ABCD2: variants seen among roughly 807,000 people sequenced by gnomAD.
ABCD2 encodes ATP-binding cassette sub-family D member 2.
A neutral mutation model predicts 70.9 loss-of-function variants in ABCD2; 36 were observed. The observed-to-expected ratio is 0.51, with a 90% CI of 0.39 to 0.67. The LOEUF is 0.67. ABCD2 is among the 30% of genes least tolerant of loss of function. ABCD2 has a pLI of 0.00. For synonymous variants in ABCD2, 304 were observed against 306.9 expected (o/e 0.99, Z 0.10); for missense variants, 729 against 890.2 (o/e 0.82, Z 2.30).
intron 9 of ABCD2, among the ~76,000 whole-genome samples, chr12:39,566,789 C>T (rs1008086832): frequency 2.0e-5 from 3 of 152,214 alleles, no homozygotes; most frequent in Non-Finnish European, 4.4e-5. Context: ...TTTCCCTCTA[C>T]ACACTGCTTT....
At chr12:39,594,104 G>A (rs1941782945) in intron 6 of ABCD2, among the ~76,000 whole-genome samples, 1 of 152,128 alleles carries the variant, frequency 6.6e-6, no homozygotes, top group South Asian at 2.1e-4. Flanking sequence ...GTACAGATCA[G>A]CACACCAAGA....
At position 39,551,339 on chromosome 12, in the gene ABCD2, T is replaced by C. The variant is rs562480867; in HGVS notation, c.*2573A>G. The C allele has an allele frequency of 3.3e-5, 5 of 151,724 alleles. No homozygotes were observed. Among genetic ancestry groups the C allele is most frequent in the African/African-American group, 1.2e-4 (5 of 41,426 alleles). The allele number at this position is 151,724 out of a possible 1,614,324, so 9.4% of individuals were successfully genotyped here. The stretch of plus-strand genomic sequence containing the variant: ...TGTCAAACGTTTGGGCAAATAGATA[T>C]AACATGGTAAAAGTAGTTTGAAACT... On this transcript the variant is annotated 3_prime_UTR_variant, in exon 10 of 10. Coordinates refer to ENST00000308666, the MANE Select transcript of ABCD2 (RefSeq NM_005164.4).
chr12:39,532,496 CA>C, the ABCD2 span, among the ~76,000 whole-genome samples: 1 of 152,096 alleles, frequency 6.6e-6, no homozygotes, highest in East Asian at 1.9e-4. Context: ...GACAAATTGG[CA>C]CTCATGCATT....
At position 39,586,123 on chromosome 12, in the gene ABCD2, A is replaced by G. The variant is rs781012677; in HGVS notation, c.1792+29T>C. ...GCTTACTTTTTAAAAGTGAAGTTAA[A>G]TGCATTAGAAAAGAATGATAGACTT... is the stretch of plus-strand genomic sequence containing the variant. On this transcript the variant is annotated intron_variant, in intron 7 of 9. Transcript: ENST00000308666. 2.5e-6 allele frequency: 4 copies of G among 1,575,550 alleles called. No individual in the cohort carries two copies. The South Asian group carries it at 3.5e-5, about 14-fold the overall frequency.
At position 39,579,058 on chromosome 12, in the gene ABCD2, C is replaced by G. The variant is rs577474709; in HGVS notation, c.1877+477G>C. 7.9e-5 allele frequency among the ~76,000 whole-genome samples: 12 copies of G among 152,132 alleles called. No homozygotes were observed. The South Asian group carries it at 2.5e-3, about 32-fold the overall frequency. On this transcript the variant is annotated intron_variant, in intron 8 of 9. Transcript: ENST00000308666. Reference sequence around the variant, plus strand: ...ATAGAAAAACAAATACTTGGAGATTCTACTATAAGAAAAAATAATTTGGCC... The same window carrying G: ...ATAGAAAAACAAATACTTGGAGATTGTACTATAAGAAAAAATAATTTGGCC...
At chr12:39,555,872 G>A (rs1941157857) in intron 9 of ABCD2, among the ~76,000 whole-genome samples, 1 of 152,116 alleles carries the variant, frequency 6.6e-6, no homozygotes, top group Non-Finnish European at 1.5e-5. Context: ...CTCAGTGGCT[G>A]GGGGCTCAGA....
the ABCD2 span, among the ~76,000 whole-genome samples, chr12:39,538,517 T>TGTGCAATTTGTCCAATTCTTTGTTC: frequency 3.3e-5 from 5 of 152,214 alleles, no homozygotes; most frequent in African/African-American, 1.2e-4. Flanking sequence ...TTGCTTTGTT[T>TGTGCAATTTGTCCAATTCTTTGTTC]GTGCATTTTG....
chr12:39,618,856 T>G lies in ABCD2; in HGVS notation c.760A>C (p.Ile254Leu). 6.2e-7 allele frequency: 1 copy of G among 1,614,188 alleles called. No individual in the cohort carries two copies. The highest frequency in any genetic ancestry group is 8.5e-7 in the Non-Finnish European group (1 of 1,180,034). Residue 254 changes from isoleucine (I) to leucine (L), a missense_variant, in exon 1 of 10, where the codon ATT becomes CTT. Transcript: ENST00000308666. ...QTATSRGASP[I>L]GPTLLAGLVV... ...AGTCCTGCTAGTAGGGTGGGCCCAA[T>G]TGGGCTTGCTCCTCTGGATGTAGCA... is the stretch of plus-strand genomic sequence containing the variant.
intron 9 of ABCD2, among the ~76,000 whole-genome samples, chr12:39,570,514 A>T (rs1941432812): frequency 6.6e-6 from 1 of 152,306 alleles, no homozygotes; most frequent in Admixed American, 6.5e-5. Flanking sequence ...AAATTGTGGG[A>T]AACTGTATAT....
At chr12:39,562,918 A>G (rs1718188417) in intron 9 of ABCD2, among the ~76,000 whole-genome samples, 1 of 152,188 alleles carries the variant, frequency 6.6e-6, no homozygotes, top group South Asian at 2.1e-4. Context: ...TCATCAACAA[A>G]ATACCAGCAA....
chr12:39,592,211 G>T (rs977675435), intron 6 of ABCD2, among the ~76,000 whole-genome samples: 1 of 152,174 alleles, frequency 6.6e-6, no homozygotes, highest in Non-Finnish European at 1.5e-5. Context: ...AAGTCAATTT[G>T]CTACAGCAAT....
rs200462514 is a variant in ABCD2 at position 39,586,200 on chromosome 12, G to C, written c.1744C>G (p.Arg582Gly). The C allele has an allele frequency of 1.2e-6, 2 of 1,613,402 alleles. No individual in the cohort carries two copies. Among genetic ancestry groups the C allele is most frequent in the Middle Eastern group, 1.7e-4 (1 of 6,054 alleles). Residue 582 changes from arginine to glycine, a missense_variant, in exon 7 of 10, where the codon CGT (arginine) becomes GGT (glycine). By Grantham distance (125) the Arg-to-Gly change is moderately radical. Transcript: ENST00000308666. ...TAGAGATGGACATTGTGTAGGATACGTTCCAGATCTTGGTCTGTATAACCT... is the reference window on the plus strand; with the variant it reads ...TAGAGATGGACATTGTGTAGGATACCTTCCAGATCTTGGTCTGTATAACCT... ...DKGYTDQDLE[R>G]ILHNVHLYHI...
intron 9 of ABCD2, among the ~76,000 whole-genome samples, chr12:39,554,791 T>C (rs993964659): frequency 6.6e-6 from 1 of 152,338 alleles, no homozygotes; most frequent in East Asian, 1.9e-4. Context: ...TAAAGGAGGC[T>C]GAGGTCACCA....
chr12:39,583,154 G>C (rs372101772), intron 7 of ABCD2, among the ~76,000 whole-genome samples: 1 of 152,140 alleles, frequency 6.6e-6, no homozygotes, highest in Non-Finnish European at 1.5e-5. Flanking sequence ...GCTGCCGGAC[G>C]GGGCCAGCTA....
intron 9 of ABCD2, among the ~76,000 whole-genome samples, chr12:39,555,314 C>T (rs1469334232): frequency 6.6e-6 from 1 of 152,092 alleles, no homozygotes; most frequent in East Asian, 1.9e-4. Context: ...TGACTGACTT[C>T]TTTTACTTAT....
intron 9 of ABCD2, among the ~76,000 whole-genome samples, chr12:39,559,538 T>A (rs1212598004): frequency 6.6e-6 from 1 of 151,948 alleles, no homozygotes; most frequent in Non-Finnish European, 1.5e-5. Context: ...AGGTCAAAAG[T>A]CTTCAATCAT....
rs1941084979 is a variant in ABCD2, at chr12:39,551,350, AAG to A, written c.*2560_*2561del. The A allele has an allele frequency of 6.6e-6, 1 of 151,714 alleles. No homozygotes were observed. Among genetic ancestry groups the A allele is most frequent in the African/African-American group, 2.4e-5 (1 of 41,408 alleles). 9.4% of individuals were successfully genotyped at this position (151,714 alleles called of 1,614,324 possible). On this transcript the variant is annotated 3_prime_UTR_variant, in exon 10 of 10. Transcript: ENST00000308666. Reference sequence around the variant, plus strand: ...TGGGCAAATAGATATAACATGGTAAAAGTAGTTTGAAACTTGAAATATTCTTT... The same window carrying A: ...TGGGCAAATAGATATAACATGGTAAATAGTTTGAAACTTGAAATATTCTTT...
chr12:39,564,233 C>G (rs1941306766), intron 9 of ABCD2, among the ~76,000 whole-genome samples: 1 of 152,204 alleles, frequency 6.6e-6, no homozygotes, highest in Admixed American at 6.5e-5. Flanking sequence ...AACTAGTTTA[C>G]AGTCCCACCA....
rs559192183 is a variant in ABCD2, at chr12:39,577,207, TTTC to T, written c.1877+2325_1877+2327del. On this transcript the variant is annotated intron_variant, in intron 8 of 9. Transcript: ENST00000308666. ...TAATCGCTAATGAGATAACAGATTTTTTCTTCTTTTTACTTATATACATTTTCT... is the reference window on the plus strand; with the variant it reads ...TAATCGCTAATGAGATAACAGATTTTTTCTTTTTACTTATATACATTTTCT... Among the ~76,000 whole-genome samples, 157 of 152,224 alleles carry T rather than the reference TTTC, an allele frequency of 1.0e-3. 1 individual carries two copies. Among genetic ancestry groups the T allele is most frequent in the African/African-American group, 3.5e-3 (146 of 41,568 alleles).
Sources: gnomAD v4.1 joint callset for allele counts (sites outside exome capture counted in the v4.1 genomes callset) on GRCh38, gnomAD v4.1.1 for gene constraint, MANE v1.5 for transcripts, NCBI Gene and HGNC (gene_info 2026-07-23, HGNC 2026-07-21) for gene names.